Variants in CNTNAP3 observed in about 807,000 individuals in gnomAD.
The protein encoded by CNTNAP3 is contactin associated protein family member 3, also known as contactin-associated protein-like 3.
Under a neutral mutation model 92.1 loss-of-function variants are expected in CNTNAP3, and 36 were observed. The observed-to-expected ratio is 0.39, with a 90% CI of 0.30 to 0.52. The LOEUF (loss-of-function observed/expected upper bound fraction) is 0.52. CNTNAP3 is among the 20% of genes least tolerant of loss of function. The pLI is 0.76. For synonymous variants in CNTNAP3, 232 were observed against 422.3 expected, an observed-to-expected ratio of 0.55 and a Z score of 5.53; for missense variants, 534 against 1,069.6, an observed-to-expected ratio of 0.50 and a Z score of 6.98.
chr9:39,086,553 T>C (rs1826065573), intron 20 of CNTNAP3, 163 bp downstream of exon 20: 2 of 877,110 alleles, frequency 2.3e-6, no homozygotes, highest in South Asian at 2.2e-5. Flanking sequence ...AACAACCACC[T>C]CCTCTCTCCC....
chr9:39,105,872 A>T (rs562653810), intron 15 of CNTNAP3, among the ~76,000 whole-genome samples: 2 of 141,040 alleles, frequency 1.4e-5, no homozygotes, highest in Admixed American at 1.4e-4. Flanking sequence ...TCTCTCTCAC[A>T]CACACAGTCT....
At chr9:39,096,323 C>T (rs2990127) in intron 18 of CNTNAP3, among the ~76,000 whole-genome samples, 10 of 146,346 alleles carry the variant, frequency 6.8e-5, no homozygotes, top group Non-Finnish European at 1.4e-4. Context: ...CCTGAAGGAA[C>T]GTTCTTTGTT....
chr9:39,130,762 C>G (rs917093196), intron 13 of CNTNAP3, among the ~76,000 whole-genome samples: 4 of 151,638 alleles, frequency 2.6e-5, no homozygotes, highest in Admixed American at 6.6e-5. Flanking sequence ...CTCGGCCTCC[C>G]GAAGTGTTGG....
rs1554712429 is a variant in CNTNAP3, at chr9:39,069,028, A to ATATATATG, written c.*4861_*4862insCATATATA. ...AGTATAAACACACATACACATATATATATGTATGTATATAACACACATGAA... is the reference window on the plus strand; with the variant it reads ...AGTATAAACACACATACACATATATATATATATGTATGTATGTATATAACACACATGAA... On this transcript the variant is annotated 3_prime_UTR_variant, in exon 24 of 24. Coordinates refer to ENST00000297668, the MANE Select transcript of CNTNAP3 (RefSeq NM_033655.5). Among the ~76,000 whole-genome samples, 1 of 151,738 alleles carries ATATATATG rather than the reference A, an allele frequency of 6.6e-6. No individual in the cohort carries two copies. The highest frequency in any genetic ancestry group is 1.5e-5 in the Non-Finnish European group (1 of 68,034).
rs374037526 is a variant in CNTNAP3, at chr9:39,115,165, C to T, written c.2237+2938G>A. 5.3e-5 allele frequency among the ~76,000 whole-genome samples: 8 copies of T among 151,262 alleles called. No homozygotes were observed. In the East Asian group the frequency reaches 7.7e-4, roughly 15 times the overall value. ...ACAGGGACAACTTACGGAAAAATGG[C>T]GATGGTTTATATTAACAATACTGCC... On this transcript the variant is annotated intron_variant, in intron 14 of 23. Transcript: ENST00000297668.
chr9:39,212,099 C>T lies in CNTNAP3; in HGVS notation c.391-18824G>A, dbSNP rs1822617893. Among the ~76,000 whole-genome samples the T allele has an allele frequency of 1.0e-4, 2 of 19,296 alleles. 1 individual carries two copies. The highest frequency in any genetic ancestry group is 2.2e-3 in the Admixed American group (2 of 904). 12.7% of individuals were successfully genotyped at this position (19,296 alleles called of 152,430 possible). A position where few individuals can be genotyped will look rare whatever the true frequency, so the allele number is the denominator to read the frequency against. On this transcript the variant is annotated intron_variant, in intron 3 of 23. Coordinates refer to ENST00000297668, the MANE Select transcript of CNTNAP3 (RefSeq NM_033655.5). ...CCCAGGCTGGTCTCAGACTCCTGCA[C>T]TCAAGGGATCTGCCTGCCTCAGCCT...
At chr9:39,076,866 G>A (rs1300010210) in intron 23 of CNTNAP3, among the ~76,000 whole-genome samples, 1 of 152,290 alleles carries the variant, frequency 6.6e-6, no homozygotes, top group Non-Finnish European at 1.5e-5. Flanking sequence ...TACTTGGGCT[G>A]CTGAGGCAGG....
intron 11 of CNTNAP3, among the ~76,000 whole-genome samples, chr9:39,141,708 G>A (rs1255370762): frequency 6.6e-6 from 1 of 152,048 alleles, no homozygotes; most frequent in African/African-American, 2.4e-5. Flanking sequence ...ATGTCTGGTA[G>A]GATTCACTCA....
intron 13 of CNTNAP3, among the ~76,000 whole-genome samples, chr9:39,120,335 A>T (rs1401901970): frequency 6.6e-6 from 1 of 152,208 alleles, no homozygotes; most frequent in Non-Finnish European, 1.5e-5. Context: ...TGTCAACTAT[A>T]AATTATATAT....
At chr9:39,124,176 A>G (rs1029017117) in intron 13 of CNTNAP3, among the ~76,000 whole-genome samples, 2 of 152,134 alleles carry the variant, frequency 1.3e-5, no homozygotes, top group African/African-American at 4.8e-5. Flanking sequence ...GCTGTGTTAT[A>G]AAGTACCAGC....
At chr9:39,130,401 A>C (rs1195402004) in intron 13 of CNTNAP3, among the ~76,000 whole-genome samples, 3 of 152,156 alleles carry the variant, frequency 2.0e-5, no homozygotes, top group Admixed American at 6.5e-5. Flanking sequence ...AGTACATACT[A>C]TATAATTTCA....
intron 11 of CNTNAP3, among the ~76,000 whole-genome samples, chr9:39,142,596 C>T (rs1452322156): frequency 7.9e-5 from 12 of 151,208 alleles, no homozygotes; most frequent in Middle Eastern, 3.4e-3. Context: ...GGCGTGAACC[C>T]GGGAGGCAGA....
intron 13 of CNTNAP3, among the ~76,000 whole-genome samples, chr9:39,122,863 T>C (rs1445695066): frequency 6.6e-6 from 1 of 151,926 alleles, no homozygotes; most frequent in South Asian, 2.1e-4. Context: ...CAAGAAGAGA[T>C]AGGTACTATA....
intron 16 of CNTNAP3, 50 bp downstream of exon 16, chr9:39,103,694 T>C: frequency 6.4e-7 from 1 of 1,553,484 alleles, no homozygotes; most frequent in Non-Finnish European, 8.7e-7. Context: ...TTAAAGCTTT[T>C]ATTGCTAAAT....
intron 14 of CNTNAP3, among the ~76,000 whole-genome samples, chr9:39,113,975 CACACACACATA>C (rs1196656119): frequency 5.5e-5 from 8 of 144,146 alleles, no homozygotes; most frequent in African/African-American, 7.7e-5. Context: ...TCTATATATA[CACACACACATA>C]TATATACACA....
At chr9:39,108,903 C>A (rs538958576) in intron 15 of CNTNAP3, among the ~76,000 whole-genome samples, 129 of 152,116 alleles carry the variant, frequency 8.5e-4, no homozygotes, top group African/African-American at 3.0e-3. Flanking sequence ...AAAATACAAT[C>A]AATTGATAAT....
chr9:39,128,304 TATCA>T (rs1821195345), intron 13 of CNTNAP3, among the ~76,000 whole-genome samples: 1 of 152,000 alleles, frequency 6.6e-6, no homozygotes, highest in East Asian at 1.9e-4. Flanking sequence ...GAAAACTACA[TATCA>T]ATATCTCTTA....
At chr9:39,143,123 A>G (rs1282357568) in intron 11 of CNTNAP3, among the ~76,000 whole-genome samples, 1 of 151,816 alleles carries the variant, frequency 6.6e-6, no homozygotes, top group Non-Finnish European at 1.5e-5. Flanking sequence ...GTGATGTTCT[A>G]ATTATAACAG....
intron 11 of CNTNAP3, 105 bp from the exon 12 acceptor site, chr9:39,140,743 C>T: frequency 6.9e-7 from 1 of 1,445,956 alleles, no homozygotes. Flanking sequence ...ATACATATGA[C>T]CCAACATCAT....
Sources: gnomAD v4.1 joint callset for allele counts (sites outside exome capture counted in the v4.1 genomes callset) on GRCh38, gnomAD v4.1.1 for gene constraint, MANE v1.5 for transcripts, NCBI Gene and HGNC (gene_info 2026-07-23, HGNC 2026-07-21) for gene names.